Variants in MARCHF1 observed in about 807,000 individuals in gnomAD.
MARCHF1 encodes E3 ubiquitin-protein ligase MARCHF1.
Under a neutral mutation model 54.2 loss-of-function variants are expected in MARCHF1, and 40 were observed. The ratio of observed to expected loss-of-function variants is 0.74; its 90% CI spans 0.57 to 0.96. The LOEUF (loss-of-function observed/expected upper bound fraction) is 0.96, where lower values mean the gene tolerates loss of function less well. MARCHF1 is among the 40% of genes least tolerant of loss of function. The pLI, the probability that MARCHF1 is intolerant of heterozygous loss-of-function variation, is 0.00. For synonymous variants in MARCHF1, 236 were observed against 236.3 expected, an observed-to-expected ratio of 1.00 and a Z score of 0.01; for missense variants, 586 against 656.5, an observed-to-expected ratio of 0.89 and a Z score of 1.17.
At chr4:163,571,543 A>G (rs1187642320) in intron 8 of MARCHF1, among the ~76,000 whole-genome samples, 1 of 152,102 alleles carries the variant, frequency 6.6e-6, no homozygotes, top group African/African-American at 2.4e-5. Flanking sequence ...CTTCTCAGCA[A>G]TCTTTTGGGA....
At chr4:164,281,344 A>G (rs1244277831) in intron 1 of MARCHF1, among the ~76,000 whole-genome samples, 3 of 152,166 alleles carry the variant, frequency 2.0e-5, no homozygotes, top group Non-Finnish European at 4.4e-5. Flanking sequence ...GCTTACATCA[A>G]AAGTCAAAGA....
intron 1 of MARCHF1, among the ~76,000 whole-genome samples, chr4:164,218,028 G>GT (rs1731981919): frequency 6.6e-6 from 1 of 151,966 alleles, no homozygotes; most frequent in Non-Finnish European, 1.5e-5. Flanking sequence ...TTTTTAAGGA[G>GT]TTTTTCATTT....
In MARCHF1 at chr4:164,013,393, TA is replaced by T. The variant is rs989032939; in HGVS notation, c.-247-24685del. Among the ~76,000 whole-genome samples the T allele has an allele frequency of 1.1e-4, 16 of 152,004 alleles. No homozygotes were observed. The Middle Eastern group carries it at 0.01, about 97-fold the overall frequency. On this transcript the variant is annotated intron_variant, in intron 2 of 9. Coordinates refer to ENST00000514618, the MANE Select transcript of MARCHF1 (RefSeq NM_001394959.1). ...GGATAGAAGGAGAATAAAGAATGCC[TA>T]AAAAAATCTAGAAAATAGCCTCAAA...
chr4:164,220,727 GTATATATGTAATATATATGC>G (rs1732086235), intron 1 of MARCHF1, among the ~76,000 whole-genome samples: 1 of 144,536 alleles, frequency 6.9e-6, no homozygotes, highest in Non-Finnish European at 1.5e-5. Flanking sequence ...TATGATATAT[GTATATATGTAATATATATGC>G]TATATATGTA....
At chr4:163,887,958 T>G (rs1750575243) in intron 3 of MARCHF1, among the ~76,000 whole-genome samples, 1 of 152,198 alleles carries the variant, frequency 6.6e-6, no homozygotes, top group Non-Finnish European at 1.5e-5. Flanking sequence ...GTCTCTTATT[T>G]CACAATGATA....
intron 1 of MARCHF1, among the ~76,000 whole-genome samples, chr4:164,255,406 T>C (rs1161725418): frequency 9.0e-6 from 1 of 111,386 alleles, no homozygotes; most frequent in African/African-American, 3.5e-5. Context: ...AAAAAAAAAA[T>C]CAATGAACAA....
At chr4:163,598,624 A>G (rs1740847631) in intron 7 of MARCHF1, among the ~76,000 whole-genome samples, 1 of 152,230 alleles carries the variant, frequency 6.6e-6, no homozygotes, top group Non-Finnish European at 1.5e-5. Flanking sequence ...GAAAAGGTAC[A>G]GTAATGATAT....
chr4:164,220,220 A>G (rs932640368), intron 1 of MARCHF1, among the ~76,000 whole-genome samples: 7 of 149,970 alleles, frequency 4.7e-5, no homozygotes, highest in Admixed American at 1.3e-4. Flanking sequence ...TCCTATATAT[A>G]TATACACACA....
intron 3 of MARCHF1, among the ~76,000 whole-genome samples, chr4:163,897,221 C>T (rs996428846): frequency 3.9e-5 from 6 of 152,156 alleles, no homozygotes; most frequent in Non-Finnish European, 8.8e-5. Flanking sequence ...AACTTTTCAG[C>T]TTATTACCTC....
chr4:164,340,373 T>C (rs936531643), intron 1 of MARCHF1, among the ~76,000 whole-genome samples: 19 of 134,930 alleles, frequency 1.4e-4, no homozygotes, highest in African/African-American at 5.0e-4. Context: ...CCCGAGTAGC[T>C]GAGACTACAG....
intron 4 of MARCHF1, among the ~76,000 whole-genome samples, chr4:163,747,228 T>C (rs759533801): frequency 6.6e-6 from 1 of 152,210 alleles, no homozygotes; most frequent in Non-Finnish European, 1.5e-5. Context: ...CTTTGAGAAT[T>C]TGTAACTATT....
intron 4 of MARCHF1, among the ~76,000 whole-genome samples, chr4:163,809,289 C>T (rs1259045453): frequency 6.6e-6 from 1 of 152,052 alleles, no homozygotes; most frequent in African/African-American, 2.4e-5. Flanking sequence ...AGAAGAAAAA[C>T]CTTTTACCAG....
intron 1 of MARCHF1, among the ~76,000 whole-genome samples, chr4:164,214,092 G>A (rs551540346): frequency 1.3e-5 from 2 of 151,488 alleles, no homozygotes; most frequent in African/African-American, 4.8e-5. Context: ...ATTTTAAAAC[G>A]TCCATGTAAA....
chr4:163,696,393 AC>A (rs1392730816), intron 5 of MARCHF1, among the ~76,000 whole-genome samples: 4 of 152,278 alleles, frequency 2.6e-5, no homozygotes, highest in East Asian at 3.9e-4. Flanking sequence ...TCCATTTCAT[AC>A]ATACTCATTA....
At chr4:163,630,903 A>G (rs566906415) in intron 5 of MARCHF1, among the ~76,000 whole-genome samples, 1 of 152,258 alleles carries the variant, frequency 6.6e-6, no homozygotes, top group East Asian at 1.9e-4. Context: ...AAAGGAAAAG[A>G]AGGAAGATGA....
intron 1 of MARCHF1, among the ~76,000 whole-genome samples, chr4:164,172,793 C>T (rs886246250): frequency 1.3e-5 from 2 of 151,956 alleles, no homozygotes; most frequent in Non-Finnish European, 1.5e-5. Flanking sequence ...CTGGCTAACA[C>T]GGTGAAACCC....
chr4:164,206,329 C>A (rs1351178831), intron 1 of MARCHF1, among the ~76,000 whole-genome samples: 1 of 151,924 alleles, frequency 6.6e-6, no homozygotes, highest in African/African-American at 2.4e-5. Flanking sequence ...CCCAGCTACT[C>A]GGGAGGCTGA....
At chr4:163,956,907 A>G (rs1446851514) in intron 3 of MARCHF1, among the ~76,000 whole-genome samples, 1 of 152,106 alleles carries the variant, frequency 6.6e-6, no homozygotes, top group Non-Finnish European at 1.5e-5. Flanking sequence ...AACCAGCAAG[A>G]GTCCCTATGG....
At chr4:164,212,331 G>A (rs1731799655) in intron 1 of MARCHF1, among the ~76,000 whole-genome samples, 1 of 152,046 alleles carries the variant, frequency 6.6e-6, no homozygotes, top group Non-Finnish European at 1.5e-5. Flanking sequence ...GGCACATCAA[G>A]GTATCTTGTT....
Sources: gnomAD v4.1 joint callset for allele counts (sites outside exome capture counted in the v4.1 genomes callset) on GRCh38, gnomAD v4.1.1 for gene constraint, MANE v1.5 for transcripts, NCBI Gene and HGNC (gene_info 2026-07-23, HGNC 2026-07-21) for gene names.